Variants in SYT1 observed in about 807,000 individuals in gnomAD.
SYT1 encodes synaptotagmin-1.
In SYT1, 8 loss-of-function variants were observed where a neutral mutation model predicts 44.8. The ratio of observed to expected loss-of-function variants is 0.18; its 90% CI spans 0.10 to 0.32. The LOEUF is 0.32. Among genes scored for constraint, SYT1 ranks in the 10% least tolerant of loss-of-function variants. The probability of loss-of-function intolerance (pLI) is 1.00; values close to 1 mark genes in which losing one functional copy is unlikely to be tolerated. For synonymous variants in SYT1, 154 were observed against 188.8 expected (o/e 0.82, Z 1.51); for missense variants, 286 against 509.3 (o/e 0.56, Z 4.22).
chr12:79,165,577 C>T (rs947913504), intron 3 of SYT1, among the ~76,000 whole-genome samples: 3 of 151,948 alleles, frequency 2.0e-5, no homozygotes, highest in Non-Finnish European at 4.4e-5. Context: ...ATCTTGATTG[C>T]AATGGAAGAT....
chr12:79,379,072 GA>G lies in SYT1; in HGVS notation c.928+25457del, dbSNP rs1458377104. On this transcript the variant is annotated intron_variant, in intron 9 of 10. Transcript: ENST00000261205. ...ATCTTCCATAGTAATTTCCTCCTGA[GA>G]AAAGAAATTCATTTCATTTTAGTGT... 3.9e-5 allele frequency among the ~76,000 whole-genome samples: 6 copies of G among 152,076 alleles called. No homozygotes were observed. The South Asian group carries it at 1.2e-3, about 31-fold the overall frequency.
At chr12:78,992,476 AT>A (rs1870085682) in intron 2 of SYT1, among the ~76,000 whole-genome samples, 1 of 152,222 alleles carries the variant, frequency 6.6e-6, no homozygotes, top group African/African-American at 2.4e-5. Flanking sequence ...ATAGAAAAAA[AT>A]AAAGGATGTA....
chr12:79,336,817 G>A (rs1882111669), intron 8 of SYT1, among the ~76,000 whole-genome samples: 2 of 152,042 alleles, frequency 1.3e-5, no homozygotes, highest in South Asian at 2.1e-4. Context: ...TTTATTTCAT[G>A]TTATGTATTT....
At chr12:79,383,218 A>G (rs958947212) in intron 9 of SYT1, among the ~76,000 whole-genome samples, 2 of 150,866 alleles carry the variant, frequency 1.3e-5, no homozygotes, top group African/African-American at 5.0e-5. Context: ...GCTATAGGGT[A>G]TAGCCTATTG....
At chr12:78,949,306 C>T (rs993909918) in intron 1 of SYT1, among the ~76,000 whole-genome samples, 10 of 151,736 alleles carry the variant, frequency 6.6e-5, no homozygotes, top group Admixed American at 5.9e-4. Flanking sequence ...CATGAATAGT[C>T]AAGATGGCTA....
chr12:79,044,918 G>C (rs1044772770), intron 2 of SYT1, among the ~76,000 whole-genome samples: 2 of 152,188 alleles, frequency 1.3e-5, no homozygotes, highest in Non-Finnish European at 2.9e-5. Flanking sequence ...CTGCTGGGGG[G>C]TGCCTCCCAG....
intron 3 of SYT1, among the ~76,000 whole-genome samples, chr12:79,161,213 C>T (rs554033987): frequency 2.0e-4 from 31 of 152,220 alleles, no homozygotes; most frequent in African/African-American, 7.5e-4. Flanking sequence ...GCAATCCAGC[C>T]TGGGCAACAG....
At chr12:79,274,591 A>G (rs891498397) in intron 4 of SYT1, among the ~76,000 whole-genome samples, 2 of 152,150 alleles carry the variant, frequency 1.3e-5, no homozygotes, top group African/African-American at 2.4e-5. Flanking sequence ...CCCAACCCCC[A>G]CACAGCTTCA....
chr12:79,056,714 C>T (rs917243929), intron 3 of SYT1, among the ~76,000 whole-genome samples: 3 of 152,000 alleles, frequency 2.0e-5, no homozygotes, highest in Non-Finnish European at 4.4e-5. Flanking sequence ...CATGGCAACT[C>T]TCATTTTAAA....
chr12:79,430,388 T>A (rs1869705205), intron 9 of SYT1, among the ~76,000 whole-genome samples: 1 of 152,228 alleles, frequency 6.6e-6, no homozygotes, highest in African/African-American at 2.4e-5. Context: ...ATAACTTTTT[T>A]AGGAATTGAT....
intron 9 of SYT1, among the ~76,000 whole-genome samples, chr12:79,384,402 C>T (rs922976120): frequency 5.9e-5 from 9 of 152,164 alleles, no homozygotes; most frequent in Admixed American, 5.9e-4. Context: ...AAAAACAAGA[C>T]TATTTGAACA....
In SYT1 at chr12:79,448,785, T is replaced by G. The variant is rs936558615; in HGVS notation, c.1063-133T>G. On this transcript the variant is annotated intron_variant, in intron 10 of 10. Transcript: ENST00000261205. Reference sequence around the variant, plus strand: ...TAACGTTTGAGTATTAAGATTCAAGTCATTTTCATCCTCATCCTAGTGCTT... The same window carrying G: ...TAACGTTTGAGTATTAAGATTCAAGGCATTTTCATCCTCATCCTAGTGCTT... 4 of 767,404 alleles carry G rather than the reference T, an allele frequency of 5.2e-6. No homozygotes were observed. In the Admixed American group the frequency reaches 1.1e-4, roughly 20 times the overall value. The allele number at this position is 767,404 out of a possible 1,614,324, so 47.5% of individuals were successfully genotyped here. A position where few individuals can be genotyped will look rare whatever the true frequency, so the allele number is the denominator to read the frequency against.
At chr12:79,069,588 A>G (rs1876125026) in intron 3 of SYT1, among the ~76,000 whole-genome samples, 1 of 151,928 alleles carries the variant, frequency 6.6e-6, no homozygotes, top group Admixed American at 6.6e-5. Context: ...AAATATAAAA[A>G]GGAATCTAAA....
At chr12:78,898,193 T>C (rs1454294476) in intron 1 of SYT1, among the ~76,000 whole-genome samples, 1 of 152,054 alleles carries the variant, frequency 6.6e-6, no homozygotes, top group Non-Finnish European at 1.5e-5. Context: ...TCTGTAAAAT[T>C]GGAATAAGAC....
intron 9 of SYT1, among the ~76,000 whole-genome samples, chr12:79,370,707 G>A (rs1444302445): frequency 6.6e-6 from 1 of 152,070 alleles, no homozygotes; most frequent in African/African-American, 2.4e-5. Flanking sequence ...AGCTTGCAGT[G>A]AGCAGAGATC....
chr12:78,918,618 C>T (rs1183632226), intron 1 of SYT1, among the ~76,000 whole-genome samples: 1 of 152,018 alleles, frequency 6.6e-6, no homozygotes, highest in East Asian at 1.9e-4. Flanking sequence ...ATGGCAAATG[C>T]ATCATTCACA....
chr12:79,097,616 C>G (rs1209399599), intron 3 of SYT1, among the ~76,000 whole-genome samples: 1 of 152,010 alleles, frequency 6.6e-6, no homozygotes, highest in Middle Eastern at 3.4e-3. Flanking sequence ...AAAACCAACA[C>G]GCTCACAAAC....
At chr12:79,402,850 T>C (rs1885118813) in intron 9 of SYT1, among the ~76,000 whole-genome samples, 1 of 152,248 alleles carries the variant, frequency 6.6e-6, no homozygotes, top group Non-Finnish European at 1.5e-5. Flanking sequence ...AGGACCTGAA[T>C]CAGCTCTTCT....
chr12:78,946,736 T>G (rs1878680146), intron 1 of SYT1, among the ~76,000 whole-genome samples: 1 of 152,080 alleles, frequency 6.6e-6, no homozygotes, highest in African/African-American at 2.4e-5. Flanking sequence ...AAGCATGTAT[T>G]TATAAAACCT....
Sources: gnomAD v4.1 joint callset for allele counts (sites outside exome capture counted in the v4.1 genomes callset) on GRCh38, gnomAD v4.1.1 for gene constraint, MANE v1.5 for transcripts, NCBI Gene and HGNC (gene_info 2026-07-23, HGNC 2026-07-21) for gene names.